TMEM108: variants seen among roughly 807,000 people sequenced by gnomAD.
TMEM108 encodes cancer/testis antigen 124.
In TMEM108, 12 loss-of-function variants were observed where a neutral mutation model predicts 35.1. The observed-to-expected ratio is 0.34, with a 90% CI of 0.22 to 0.55. The LOEUF is 0.55. Ranked by LOEUF, TMEM108 falls within the 20% of genes least tolerant of loss-of-function variation. The pLI, the probability that TMEM108 is intolerant of heterozygous loss-of-function variation, is 0.89. For synonymous variants in TMEM108, 287 were observed against 308.6 expected, an observed-to-expected ratio of 0.93 and a Z score of 0.73; for missense variants, 680 against 753.3, an observed-to-expected ratio of 0.90 and a Z score of 1.14.
At chr3:133,062,706 A>G (rs573990086) in intron 2 of TMEM108, among the ~76,000 whole-genome samples, 4 of 152,210 alleles carry the variant, frequency 2.6e-5, no homozygotes, top group Non-Finnish European at 5.9e-5. Flanking sequence ...TGTGGATTCA[A>G]GTGAGAATGG....
At chr3:133,049,881 A>T (rs190063381) in intron 2 of TMEM108, among the ~76,000 whole-genome samples, 33 of 152,304 alleles carry the variant, frequency 2.2e-4, no homozygotes, top group African/African-American at 7.5e-4. Flanking sequence ...GTGTTTCATA[A>T]GAGGGTATTA....
At chr3:133,057,873 T>G (rs1018807426) in intron 2 of TMEM108, among the ~76,000 whole-genome samples, 8 of 152,114 alleles carry the variant, frequency 5.3e-5, no homozygotes, top group Non-Finnish European at 8.8e-5. Flanking sequence ...GCACTGATGA[T>G]GGAGGGAGTG....
intron 2 of TMEM108, among the ~76,000 whole-genome samples, chr3:133,109,205 T>G (rs1944196472): frequency 6.6e-6 from 1 of 152,166 alleles, no homozygotes; most frequent in Non-Finnish European, 1.5e-5. Flanking sequence ...GGCAAGTCAC[T>G]GAATTCCCCT....
chr3:133,266,858 G>A (rs148324998), intron 3 of TMEM108, among the ~76,000 whole-genome samples: 2,097 of 148,098 alleles, frequency 0.014, 60 homozygotes, highest in African/African-American at 0.05. Flanking sequence ...GGATCACAAG[G>A]TCAGGAGATC....
intron 1 of TMEM108, among the ~76,000 whole-genome samples, chr3:133,040,246 C>T (rs1312854059): frequency 6.7e-6 from 1 of 149,860 alleles, no homozygotes; most frequent in East Asian, 2.0e-4. Context: ...GTCTGTCACC[C>T]AGGCTGGAGT....
intron 3 of TMEM108, among the ~76,000 whole-genome samples, chr3:133,250,504 C>A (rs945585410): frequency 6.6e-6 from 1 of 152,122 alleles, no homozygotes; most frequent in Non-Finnish European, 1.5e-5. Context: ...CAACAGTAGG[C>A]TATTAGTAGT....
At chr3:133,306,834 G>A (rs2071050289) in intron 3 of TMEM108, among the ~76,000 whole-genome samples, 1 of 152,102 alleles carries the variant, frequency 6.6e-6, no homozygotes, top group Admixed American at 6.5e-5. Flanking sequence ...ACATACGTGT[G>A]TGTGTGTGTG....
intron 2 of TMEM108, among the ~76,000 whole-genome samples, chr3:133,129,170 C>A (rs1373317346): frequency 6.6e-6 from 1 of 152,044 alleles, no homozygotes; most frequent in Non-Finnish European, 1.5e-5. Context: ...CATGGTGAAA[C>A]CCTGTCTACC....
chr3:133,140,617 T>C (rs1054688789), intron 2 of TMEM108, among the ~76,000 whole-genome samples: 1 of 152,210 alleles, frequency 6.6e-6, no homozygotes, highest in African/African-American at 2.4e-5. Context: ...GTAAAGAGTC[T>C]TTTAAAACCA....
At chr3:133,105,959 A>G (rs1944145291) in intron 2 of TMEM108, among the ~76,000 whole-genome samples, 1 of 152,158 alleles carries the variant, frequency 6.6e-6, no homozygotes, top group Non-Finnish European at 1.5e-5. Flanking sequence ...AGGTCCTTCT[A>G]AAGGCACGAC....
At chr3:133,378,599 G>A (rs752309133) in intron 3 of TMEM108, 29 of 948,066 alleles carry the variant, frequency 3.1e-5, no homozygotes, top group Admixed American at 1.2e-4. Context: ...TTCCTCAGCC[G>A]TAGAGACAGG....
At chr3:133,316,367 C>A (rs77286046) in intron 3 of TMEM108, among the ~76,000 whole-genome samples, 6,455 of 152,148 alleles carry the variant, frequency 0.042, 431 homozygotes, top group African/African-American at 0.14. Flanking sequence ...TTTTAAAATA[C>A]CTTTAAAAGA....
intron 3 of TMEM108, among the ~76,000 whole-genome samples, chr3:133,257,955 A>G (rs147471171): frequency 2.6e-4 from 39 of 152,312 alleles, no homozygotes; most frequent in African/African-American, 8.9e-4. Flanking sequence ...GGAGATGGGT[A>G]GGACAGGATT....
chr3:133,177,386 C>A (rs1945250669), intron 2 of TMEM108, among the ~76,000 whole-genome samples: 1 of 152,334 alleles, frequency 6.6e-6, no homozygotes, highest in African/African-American at 2.4e-5. Flanking sequence ...AGACCAATAT[C>A]CCTGATGAAC....
At chr3:133,222,768 T>G (rs1444943317) in intron 2 of TMEM108, among the ~76,000 whole-genome samples, 1 of 152,168 alleles carries the variant, frequency 6.6e-6, no homozygotes, top group Admixed American at 6.5e-5. Flanking sequence ...ATTAAATTTC[T>G]CATTTTGGTC....
intron 3 of TMEM108, among the ~76,000 whole-genome samples, chr3:133,271,989 C>T (rs57116584): frequency 0.3 from 46,308 of 151,948 alleles, 7,797 homozygotes; most frequent in East Asian, 0.47. Flanking sequence ...ATTAATGAAT[C>T]AATAAAAATG....
rs1356320964 is a variant in TMEM108, at chr3:133,290,436, C to G, written c.40+61085C>G. ...AGGAGTTTGAGACCAGACTAGCCAA[C>G]ATGACAAAACCCCAGCTCTACTAAA... On this transcript the variant is annotated intron_variant, in intron 3 of 5. Coordinates refer to ENST00000321871, the MANE Select transcript of TMEM108 (RefSeq NM_023943.4). 2.0e-5 allele frequency among the ~76,000 whole-genome samples: 3 copies of G among 152,092 alleles called. No individual in the cohort carries two copies. In the East Asian group the frequency reaches 5.8e-4, roughly 29 times the overall value.
At chr3:133,061,329 G>A (rs529790929) in intron 2 of TMEM108, among the ~76,000 whole-genome samples, 2 of 150,968 alleles carry the variant, frequency 1.3e-5, no homozygotes, top group Admixed American at 6.6e-5. Flanking sequence ...CTCCACCTCA[G>A]CCTCCCAAGC....
intron 3 of TMEM108, among the ~76,000 whole-genome samples, chr3:133,275,517 G>T (rs1946826859): frequency 6.6e-6 from 1 of 152,080 alleles, no homozygotes; most frequent in Non-Finnish European, 1.5e-5. Flanking sequence ...GTGGCTGATG[G>T]CTACTGTATT....
Sources: allele counts gnomAD v4.1 joint callset (sites outside exome capture counted in the v4.1 genomes callset), GRCh38; gene constraint gnomAD v4.1.1; transcripts MANE v1.5; gene names NCBI Gene and HGNC (gene_info 2026-07-23, HGNC 2026-07-21).